STX18: variants seen among roughly 807,000 people sequenced by gnomAD.
The protein encoded by STX18 is syntaxin 18, also known as syntaxin-18.
Under a neutral mutation model 50.1 loss-of-function variants are expected in STX18, and 40 were observed. That is an observed-to-expected ratio of 0.80 (90% CI 0.62 to 1.04). The LOEUF (loss-of-function observed/expected upper bound fraction) is 1.04. STX18 is among the 50% of genes least tolerant of loss of function. The pLI is 0.00. For synonymous variants in STX18, 158 were observed against 151.8 expected, an observed-to-expected ratio of 1.04 and a Z score of -0.30; for missense variants, 410 against 415.8, an observed-to-expected ratio of 0.99 and a Z score of 0.12.
Position 4,541,921 on chromosome 4 carries a change from G to T in STX18, c.44C>A (p.Thr15Asn). 1.2e-6 allele frequency: 2 copies of T among 1,610,008 alleles called. No individual in the cohort carries two copies. Among genetic ancestry groups the T allele is most frequent in the East Asian group, 4.5e-5 (2 of 44,672 alleles). ...ITLLFRASVK[T>N]VKTRNKALGV... ...CAGCGCCTTGTTCCGCGTCTTCACG[G>T]TCTTGACGCTGGCCCGGAATAGCAG... The change falls in exon 1 of 11, where the codon ACC (threonine) becomes AAC (asparagine). Residue 15 changes from threonine (T) to asparagine (N), a missense_variant. Thr to Asn is a moderately conservative substitution (Grantham distance 65). Transcript: ENST00000306200.
At chr4:4,481,960 C>T (rs1392652463) in intron 1 of STX18, among the ~76,000 whole-genome samples, 64 of 152,134 alleles carry the variant, frequency 4.2e-4, no homozygotes, top group Non-Finnish European at 4.4e-5. Flanking sequence ...TGTCACTTTC[C>T]CCCAATTCCT....
At chr4:4,448,329 T>C (rs751522773) in intron 5 of STX18, among the ~76,000 whole-genome samples, 2 of 149,584 alleles carry the variant, frequency 1.3e-5, no homozygotes, top group Non-Finnish European at 1.5e-5. Context: ...TAGTGTGGCC[T>C]TGGATGGGTT....
intron 5 of STX18, among the ~76,000 whole-genome samples, chr4:4,453,157 T>G (rs1343457116): frequency 6.6e-6 from 1 of 152,218 alleles, no homozygotes; most frequent in Non-Finnish European, 1.5e-5. Context: ...TTGCATAAAC[T>G]TGGTTGACAA....
chr4:4,489,614 T>C (rs905559500), intron 1 of STX18, among the ~76,000 whole-genome samples: 2 of 151,856 alleles, frequency 1.3e-5, no homozygotes, highest in Non-Finnish European at 2.9e-5. Context: ...TGGAAATAAA[T>C]GAAAAGGTAA....
chr4:4,456,149 A>G (rs1011246120), intron 5 of STX18, among the ~76,000 whole-genome samples: 2 of 152,056 alleles, frequency 1.3e-5, no homozygotes, highest in African/African-American at 2.4e-5. Flanking sequence ...ACATGGTAGC[A>G]CATGCCTGTA....
chr4:4,423,705 AC>A, intron 8 of STX18, 118 bp from the exon 9 acceptor site: 4 of 980,742 alleles, frequency 4.1e-6, no homozygotes, highest in Non-Finnish European at 4.7e-6. Flanking sequence ...CAGGGGGCAC[AC>A]TGTGTCGGCT....
chr4:4,459,300 G>T, intron 3 of STX18, 72 bp downstream of exon 3: 2 of 1,053,560 alleles, frequency 1.9e-6, no homozygotes, highest in Non-Finnish European at 2.9e-6. Flanking sequence ...TTAACTGGCC[G>T]CACCATATGC....
At chr4:4,439,964 T>C (rs557199668) in intron 5 of STX18, among the ~76,000 whole-genome samples, 1 of 152,226 alleles carries the variant, frequency 6.6e-6, no homozygotes, top group Non-Finnish European at 1.5e-5. Context: ...TATTTATCTG[T>C]TGGTTGTCAG....
At chr4:4,448,977 T>A (rs1042403547) in intron 5 of STX18, among the ~76,000 whole-genome samples, 4 of 150,678 alleles carry the variant, frequency 2.7e-5, no homozygotes, top group African/African-American at 7.3e-5. Flanking sequence ...AAAAAAGCAG[T>A]AGACCAAAAA....
intron 1 of STX18, among the ~76,000 whole-genome samples, chr4:4,484,158 G>T (rs1049317399): frequency 6.6e-6 from 1 of 151,998 alleles, no homozygotes; most frequent in Non-Finnish European, 1.5e-5. Flanking sequence ...CACCGTGCCC[G>T]GCCCCTTCCT....
intron 1 of STX18, among the ~76,000 whole-genome samples, chr4:4,527,378 C>T (rs1331577398): frequency 3.9e-5 from 6 of 152,126 alleles, no homozygotes; most frequent in African/African-American, 1.4e-4. Flanking sequence ...TTAAAACTTT[C>T]TACCAGTTAA....
intron 1 of STX18, among the ~76,000 whole-genome samples, chr4:4,485,109 G>A (rs776891497): frequency 9.2e-5 from 14 of 152,152 alleles, no homozygotes; most frequent in African/African-American, 1.4e-4. Context: ...AACAGACCTG[G>A]GTTCAGATCC....
chr4:4,429,135 A>C (rs1725401267), intron 7 of STX18, among the ~76,000 whole-genome samples: 1 of 152,146 alleles, frequency 6.6e-6, no homozygotes, highest in African/African-American at 2.4e-5. Context: ...CTGGTGACTT[A>C]AGCTCTCTGT....
chr4:4,475,253 T>C (rs1279843075), intron 1 of STX18, among the ~76,000 whole-genome samples: 1 of 152,176 alleles, frequency 6.6e-6, no homozygotes, highest in East Asian at 1.9e-4. Context: ...AACGAGGTTA[T>C]TAAAACAGAG....
In STX18 at chr4:4,420,190, G is replaced by A. The variant is rs73084386; in HGVS notation, c.913-61C>T. 8.6e-5 allele frequency: 117 copies of A among 1,356,264 alleles called. No homozygotes were observed. The African/African-American group carries it at 1.0e-3, about 12-fold the overall frequency. 84.0% of individuals were successfully genotyped at this position (1,356,264 alleles called of 1,614,324 possible). On this transcript the variant is annotated intron_variant, in intron 10 of 10. Transcript: ENST00000306200. This position sits in a 1 kb window ranked among gnomAD's most constrained non-coding sequence, Gnocchi z 4.3. ...ACAGGATTTTGGTTTGAGCAGCCCT[G>A]AAATGCCCCCCTCTTCCCACGTGCT...
intron 6 of STX18, chr4:4,437,718 G>A: frequency 1.5e-6 from 1 of 683,472 alleles, no homozygotes; most frequent in Non-Finnish European, 1.8e-6. Context: ...ATCACCCTGT[G>A]ATTCACACAA....
chr4:4,443,563 T>G (rs1726232097), intron 5 of STX18, among the ~76,000 whole-genome samples: 1 of 152,192 alleles, frequency 6.6e-6, no homozygotes, highest in African/African-American at 2.4e-5. Context: ...AGGCCAGTAT[T>G]ACCCAGATTC....
At position 4,434,857 on chromosome 4, in the gene STX18, TTC is replaced by T; in HGVS notation, c.614-1_614del. 2 of 1,598,932 alleles carry T rather than the reference TTC, an allele frequency of 1.3e-6. No homozygotes were observed. On this transcript the variant is annotated splice_acceptor_variant and coding_sequence_variant, in exon 7 of 11. Coordinates refer to ENST00000306200, the MANE Select transcript of STX18 (RefSeq NM_016930.4). LOFTEE classifies it high-confidence loss of function. ...CAGGTTGTGTTTCAGCCAAAATTTTTTCTGTTAAAAAAAAAATTGAAAATAGA... is the reference window on the plus strand; with the variant it reads ...CAGGTTGTGTTTCAGCCAAAATTTTTTGTTAAAAAAAAAATTGAAAATAGA...
rs77790337 is a variant in STX18 at position 4,431,533 on chromosome 4, A to T, written c.702+3237T>A. On this transcript the variant is annotated intron_variant, in intron 7 of 10. Coordinates refer to ENST00000306200, the MANE Select transcript of STX18 (RefSeq NM_016930.4). ...CCCTTCTCCTTTCTCGCTGTTCATCATGTTTCTAGAGAGCCTCACGCAAGC... is the reference window on the plus strand; with the variant it reads ...CCCTTCTCCTTTCTCGCTGTTCATCTTGTTTCTAGAGAGCCTCACGCAAGC... 1.7e-3 allele frequency among the ~76,000 whole-genome samples: 253 copies of T among 152,090 alleles called. 3 individuals carry two copies. In the East Asian group the frequency reaches 0.046, roughly 28 times the overall value.
Sources: allele counts gnomAD v4.1 joint callset (sites outside exome capture counted in the v4.1 genomes callset), GRCh38; gene constraint gnomAD v4.1.1; non-coding constraint Gnocchi (gnomAD v3.1); transcripts MANE v1.5; gene names NCBI Gene and HGNC (gene_info 2026-07-23, HGNC 2026-07-21).